EYA1: variants seen among roughly 807,000 people sequenced by gnomAD.
The protein encoded by EYA1 is EYA transcriptional coactivator and phosphatase 1.
In EYA1, 16 loss-of-function variants were observed where a neutral mutation model predicts 82.0. That is an observed-to-expected ratio of 0.20 (90% CI 0.13 to 0.30). The LOEUF is 0.30. EYA1 is among the 10% of genes least tolerant of loss of function. The pLI, the probability that EYA1 is intolerant of heterozygous loss-of-function variation, is 1.00. For synonymous variants in EYA1, 261 were observed against 264.4 expected (o/e 0.99, Z 0.12); for missense variants, 633 against 730.7 (o/e 0.87, Z 1.54).
intron 2 of EYA1, among the ~76,000 whole-genome samples, chr8:71,381,412 T>C (rs1828693481): frequency 1.3e-5 from 2 of 152,158 alleles, no homozygotes; most frequent in Non-Finnish European, 2.9e-5. Flanking sequence ...CCCCCATCTA[T>C]AAGCTGCTCT....
At chr8:71,288,292 G>A (rs141643295) in intron 9 of EYA1, among the ~76,000 whole-genome samples, 44 of 152,252 alleles carry the variant, frequency 2.9e-4, no homozygotes, top group African/African-American at 1.1e-3. Flanking sequence ...ATCCCTAACT[G>A]CTCCCACCTG....
rs1172246124 is a variant in EYA1, at chr8:71,452,133, G to A, written c.33+83611C>T. Among the ~76,000 whole-genome samples the A allele has an allele frequency of 2.0e-5, 3 of 152,348 alleles. No individual in the cohort carries two copies. The East Asian group carries it at 5.8e-4, about 29-fold the overall frequency. Reference sequence around the variant, plus strand: ...CACCAGGAGATTATATCCCACGCATGGCTTGGAGGGTCCCACACCCACAGA... The same window carrying A: ...CACCAGGAGATTATATCCCACGCATAGCTTGGAGGGTCCCACACCCACAGA... On this transcript the variant is annotated intron_variant, in intron 2 of 18. Coordinates refer to the EYA1 transcript ENST00000643681.
At chr8:71,224,984 C>A (rs1350128642) in intron 12 of EYA1, among the ~76,000 whole-genome samples, 1 of 152,244 alleles carries the variant, frequency 6.6e-6, no homozygotes, top group Non-Finnish European at 1.5e-5. Flanking sequence ...TTTGAAGAAA[C>A]TGGCTTCCAA....
intron 2 of EYA1, among the ~76,000 whole-genome samples, chr8:71,513,473 G>A (rs1202940313): frequency 6.6e-6 from 1 of 151,952 alleles, no homozygotes; most frequent in Non-Finnish European, 1.5e-5. Flanking sequence ...TTTAATTTTT[G>A]TAGGTATATA....
In EYA1 at chr8:71,299,692, T is replaced by C. The variant is rs780672889; in HGVS notation, c.585A>G (p.Ile195Met). The C allele has an allele frequency of 6.3e-6, 10 of 1,581,706 alleles. No homozygotes were observed. The Admixed American group carries it at 1.2e-4, about 18-fold the overall frequency. ...TTGTGAGTGAATTATTTCCTGTATA[T>C]ATTCCTGATGATGTTGTAAAACTGC... ...QGSSFTTSSG[I>M]YTGNNSLTNS... The change falls in exon 8 of 18, where the codon ATA becomes ATG. Residue 195 changes from isoleucine (I) to methionine (M), a missense_variant. Coordinates refer to ENST00000340726, the MANE Select transcript of EYA1 (RefSeq NM_000503.6).
intron 1 of EYA1, chr8:71,547,695 G>A (rs1815765976): frequency 6.6e-6 from 1 of 151,574 alleles, no homozygotes; most frequent in Admixed American, 6.6e-5. Context: ...GGGAACTCAG[G>A]GTCAGATTTA....
intron 7 of EYA1, among the ~76,000 whole-genome samples, chr8:71,305,762 A>T (rs1820668909): frequency 6.6e-6 from 1 of 151,978 alleles, no homozygotes; most frequent in African/African-American, 2.4e-5. Flanking sequence ...AAACTGGAAA[A>T]TTTTTCCCTT....
chr8:71,248,168 A>T (rs1437329445), intron 11 of EYA1, among the ~76,000 whole-genome samples: 1 of 152,126 alleles, frequency 6.6e-6, no homozygotes, highest in Non-Finnish European at 1.5e-5. Context: ...TTACCTCTTA[A>T]TGTTAATCTC....
At position 71,216,697 on chromosome 8, in the gene EYA1, A is replaced by G; in HGVS notation, c.1355T>C (p.Val452Ala). The change falls in exon 14 of 18, where the codon GTT becomes GCT. Residue 452 changes from valine (V) to alanine (A), a missense_variant. Coordinates refer to ENST00000340726, the MANE Select transcript of EYA1 (RefSeq NM_000503.6). ...TACTGGTGGTAATCACTTGCCTCCA[A>G]CATTATTTTTGTAGGTGTTGTAGAT... ...KEIYNTYKNN[V>A]GGLLGPAKRE... is the part of the protein sequence containing the mutation. The G allele has an allele frequency of 6.2e-7, 1 of 1,614,148 alleles. No individual in the cohort carries two copies. Among genetic ancestry groups the G allele is most frequent in the Non-Finnish European group, 8.5e-7 (1 of 1,179,998 alleles).
intron 3 of EYA1, among the ~76,000 whole-genome samples, chr8:71,344,627 T>C (rs946603635): frequency 4.6e-5 from 7 of 152,260 alleles, no homozygotes; most frequent in Non-Finnish European, 1.0e-4. Context: ...CAGTGTTTTA[T>C]GAATATGGTT....
At chr8:71,488,661 G>A (rs1022040822) in intron 2 of EYA1, among the ~76,000 whole-genome samples, 3 of 152,198 alleles carry the variant, frequency 2.0e-5, no homozygotes, top group Non-Finnish European at 2.9e-5. Flanking sequence ...GTTTAAAGAT[G>A]TAAATATTTA....
chr8:71,459,984 T>A (rs1188315676), intron 2 of EYA1, among the ~76,000 whole-genome samples: 2 of 152,202 alleles, frequency 1.3e-5, no homozygotes, highest in African/African-American at 2.4e-5. Context: ...TTTAAGTAAT[T>A]TTCATCACAT....
chr8:71,274,321 A>G (rs769548812), intron 9 of EYA1, among the ~76,000 whole-genome samples: 15 of 152,202 alleles, frequency 9.9e-5, no homozygotes, highest in Non-Finnish European at 1.9e-4. Context: ...TATGAGGTGG[A>G]ATTAAATGCT....
chr8:71,329,896 C>T (rs537538408), intron 4 of EYA1, among the ~76,000 whole-genome samples: 21 of 151,924 alleles, frequency 1.4e-4, no homozygotes, highest in South Asian at 6.3e-4. Flanking sequence ...TAACCTGATC[C>T]GGTAGAACAG....
chr8:71,210,243 T>C (rs775549457), intron 17 of EYA1, among the ~76,000 whole-genome samples: 3 of 152,202 alleles, frequency 2.0e-5, no homozygotes, highest in African/African-American at 4.8e-5. Flanking sequence ...ATGATTATAA[T>C]TGATCTCTTA....
intron 4 of EYA1, among the ~76,000 whole-genome samples, chr8:71,326,221 C>A (rs534259914): frequency 3.9e-4 from 60 of 152,262 alleles, no homozygotes; most frequent in African/African-American, 1.3e-3. Flanking sequence ...AGCAAAAGAA[C>A]TCTCGAAATT....
chr8:71,235,791 A>G (rs1255106335), intron 12 of EYA1, among the ~76,000 whole-genome samples: 1 of 152,182 alleles, frequency 6.6e-6, no homozygotes, highest in Non-Finnish European at 1.5e-5. Flanking sequence ...AGACTACTGG[A>G]TGCGATAGCA....
intron 4 of EYA1, among the ~76,000 whole-genome samples, chr8:71,329,645 G>A (rs533152024): frequency 2.6e-5 from 4 of 152,116 alleles, no homozygotes; most frequent in African/African-American, 9.7e-5. Flanking sequence ...GCCATCATTC[G>A]TTCATTCATG....
chr8:71,472,768 A>G (rs11786889), intron 2 of EYA1, among the ~76,000 whole-genome samples: 33,575 of 136,472 alleles, frequency 0.25, 4,225 homozygotes, highest in South Asian at 0.42. Flanking sequence ...GAATACATGC[A>G]TTTTAGATGT....
Sources: allele counts gnomAD v4.1 joint callset (sites outside exome capture counted in the v4.1 genomes callset), GRCh38; gene constraint gnomAD v4.1.1; transcripts MANE v1.5; gene names NCBI Gene and HGNC (gene_info 2026-07-23, HGNC 2026-07-21).